The following FNDC3A variants were observed in gnomAD, a reference collection of about 807,000 sequenced individuals.
The protein encoded by FNDC3A is fibronectin type-III domain-containing protein 3A.
FNDC3A carries 32 observed loss-of-function variants against 148.9 expected under a neutral mutation model. The ratio of observed to expected loss-of-function variants is 0.21; its 90% confidence interval spans 0.16 to 0.29. The LOEUF is 0.29. FNDC3A is among the 10% of genes least tolerant of loss of function. The probability of loss-of-function intolerance (pLI) is 1.00; values close to 1 mark genes in which losing one functional copy is unlikely to be tolerated. For missense variants in FNDC3A, 1,191 were observed against 1,452.8 expected (o/e 0.82, Z 2.93); for synonymous variants, 472 against 473.6 (o/e 1.00, Z 0.04).
chr13:49,055,266 G>T (rs975274225), intron 2 of FNDC3A, among the ~76,000 whole-genome samples: 15 of 152,040 alleles, frequency 9.9e-5, no homozygotes, highest in African/African-American at 3.4e-4. Context: ...ACTACACCCA[G>T]CTAGTCTTAT....
intron 17 of FNDC3A, among the ~76,000 whole-genome samples, 200 bp from the exon 18 acceptor site, chr13:49,190,815 T>C (rs1012918622): frequency 3.9e-5 from 6 of 152,224 alleles, no homozygotes; most frequent in African/African-American, 1.4e-4. Context: ...CATGTCTTTC[T>C]TTGTCTATGA....
rs1223909842 is a variant in FNDC3A at position 49,207,656 on chromosome 13, GC to G, written c.*263del. The stretch of plus-strand genomic sequence containing the variant: ...TTCCCTCTCTCTTTTTTTAACAAAT[GC>G]CTTCTTATAGAAAAACTTTCTAAGA... On this transcript the variant is annotated 3_prime_UTR_variant, in exon 26 of 26. Transcript: ENST00000492622. 1 of 325,096 alleles carries G rather than the reference GC, an allele frequency of 3.1e-6. No individual in the cohort carries two copies. Among genetic ancestry groups the G allele is most frequent in the African/African-American group, 2.2e-5 (1 of 46,148 alleles). The allele number at this position is 325,096 out of a possible 1,614,324, so 20.1% of individuals were successfully genotyped here. A position where few individuals can be genotyped will look rare whatever the true frequency, so the allele number is the denominator to read the frequency against.
chr13:49,111,016 TAGA>T (rs1880533035), intron 3 of FNDC3A, among the ~76,000 whole-genome samples: 1 of 152,116 alleles, frequency 6.6e-6, no homozygotes, highest in Non-Finnish European at 1.5e-5. Flanking sequence ...TCAAATCACA[TAGA>T]TTATAAAGGA....
rs745482253 is a variant in FNDC3A at position 49,198,412 on chromosome 13, T to C, written c.2825T>C (p.Met942Thr). The C allele has an allele frequency of 1.4e-5, 22 of 1,614,086 alleles. No individual in the cohort carries two copies. Among genetic ancestry groups the C allele is most frequent in the South Asian group, 3.3e-5 (3 of 91,082 alleles). The change falls in exon 23 of 26, where the codon ATG becomes ACG. Residue 942 changes from methionine to threonine, a missense_variant. Met to Thr is a moderately conservative substitution (Grantham distance 81). Around this residue, in one of 3 missense-constraint regions of FNDC3A, gnomAD observed 751 missense variants for 944.0 expected, o/e 0.80. Coordinates refer to ENST00000492622, the MANE Select transcript of FNDC3A (RefSeq NM_001079673.2). The part of the protein sequence containing the change: ...NSLGAGPFSH[M>T]IKLKTKPLPP... ...CTTGGAGCTGGTCCTTTCAGCCATA[T>C]GATAAAATTAAAAACTAAGCCTCTC...
intron 1 of FNDC3A, among the ~76,000 whole-genome samples, chr13:48,987,587 C>T (rs567257963): frequency 6.6e-6 from 1 of 152,180 alleles, no homozygotes; most frequent in South Asian, 2.1e-4. Context: ...ACTTAAGGGA[C>T]ATGAAAGAGT....
At chr13:49,044,853 A>G (rs1305699162) in intron 2 of FNDC3A, 3 of 352,974 alleles carry the variant, frequency 8.5e-6, no homozygotes, top group East Asian at 8.7e-5. Flanking sequence ...GGTTTGTGCA[A>G]GGTTCAAAAA....
Position 49,136,343 on chromosome 13 carries a change from A to G in FNDC3A, c.502A>G (p.Thr168Ala). The change falls in exon 6 of 26, where the codon ACA (threonine) becomes GCA (alanine). Residue 168 changes from threonine to alanine, a missense_variant. Transcript: ENST00000492622. Reference protein sequence around the residue: ...QVYGDVDAHSTHGRSNFRDER... With the variant: ...QVYGDVDAHSAHGRSNFRDER... ...TTATTGCCTCCTAGATGCTCACTCTACACATGGAAGGTCCAACTTTAGAGA... is the reference window on the plus strand; with the variant it reads ...TTATTGCCTCCTAGATGCTCACTCTGCACATGGAAGGTCCAACTTTAGAGA... 2 of 1,614,032 alleles carry G rather than the reference A, an allele frequency of 1.2e-6. No individual in the cohort carries two copies. Among genetic ancestry groups the G allele is most frequent in the Non-Finnish European group, 1.7e-6 (2 of 1,179,922 alleles).
intron 2 of FNDC3A, among the ~76,000 whole-genome samples, chr13:49,051,736 A>C (rs961116089): frequency 1.3e-5 from 2 of 152,230 alleles, no homozygotes; most frequent in African/African-American, 4.8e-5. Flanking sequence ...AGGCTGGAGA[A>C]GTTTTCCTTG....
At chr13:49,110,200 G>A in intron 3 of FNDC3A, 3 of 468,200 alleles carry the variant, frequency 6.4e-6, no homozygotes, top group South Asian at 5.3e-5. Flanking sequence ...AAGCGGGAAC[G>A]TTTGCTTTTT....
intron 7 of FNDC3A, among the ~76,000 whole-genome samples, chr13:49,142,326 C>G (rs952363948): frequency 1.2e-4 from 18 of 152,156 alleles, no homozygotes; most frequent in African/African-American, 4.3e-4. Flanking sequence ...TCTTTCGTTT[C>G]TGTTTCCTTT....
chr13:49,011,260 G>T (rs1440365191), intron 2 of FNDC3A, among the ~76,000 whole-genome samples: 3 of 151,008 alleles, frequency 2.0e-5, no homozygotes, highest in African/African-American at 7.3e-5. Flanking sequence ...TTGAGACAGG[G>T]TCTCGCTCTG....
intron 3 of FNDC3A, 142 bp from the exon 4 acceptor site, chr13:49,114,513 C>T: frequency 2.6e-6 from 1 of 385,096 alleles, no homozygotes; most frequent in South Asian, 3.0e-5. Flanking sequence ...ACAAGTCAAT[C>T]ATCTGAATTT....
intron 2 of FNDC3A, among the ~76,000 whole-genome samples, chr13:49,070,805 T>C (rs1877611061): frequency 6.6e-6 from 1 of 152,116 alleles, no homozygotes; most frequent in Non-Finnish European, 1.5e-5. Context: ...GCAATATTTA[T>C]GTTTCTATGC....
At position 49,198,060 on chromosome 13, in the gene FNDC3A, A is replaced by T. The variant is rs778628583; in HGVS notation, c.2569A>T (p.Thr857Ser). The change falls in exon 22 of 26, where the codon ACC becomes TCC. Residue 857 changes from threonine (T) to serine (S), a missense_variant. Physicochemically the swap from Thr to Ser is moderately conservative, Grantham distance 58. This residue lies in a region of FNDC3A where 751 missense variants were observed against 944.0 expected (regional missense o/e 0.80). Transcript: ENST00000492622. ...VTPPSVPGIVTCLQEISDDEI... is the reference protein window; with the variant it reads ...VTPPSVPGIVSCLQEISDDEI... ...TCCACCATCAGTTCCTGGCATTGTG[A>T]CCTGTCTTCAAGAAATAAGCGATGA... 1 of 1,614,076 alleles carries T rather than the reference A, an allele frequency of 6.2e-7. No individual in the cohort carries two copies. The highest frequency in any genetic ancestry group is 8.5e-7 in the Non-Finnish European group (1 of 1,179,990).
chr13:49,186,223 A>G (rs1885561980), intron 15 of FNDC3A, 121 bp downstream of exon 15: 2 of 763,744 alleles, frequency 2.6e-6, no homozygotes, highest in Non-Finnish European at 4.2e-6. Context: ...CCAAAAAGAA[A>G]TGTGAGAGTC....
chr13:49,105,939 T>A (rs1339794633), intron 3 of FNDC3A, among the ~76,000 whole-genome samples: 1 of 152,238 alleles, frequency 6.6e-6, no homozygotes. Context: ...GGCTCTTATT[T>A]TACTCAAAGT....
At chr13:49,187,691 G>T (rs767970261) in intron 16 of FNDC3A, 61 of 1,520,828 alleles carry the variant, frequency 4.0e-5, no homozygotes, top group Non-Finnish European at 5.6e-5. Context: ...GAAGCTCTGC[G>T]AAAGGCACAG....
chr13:49,071,012 C>A (rs183605324), intron 2 of FNDC3A, among the ~76,000 whole-genome samples: 92 of 149,842 alleles, frequency 6.1e-4, no homozygotes, highest in African/African-American at 1.9e-3. Flanking sequence ...AATCCTCCTG[C>A]CTCAGCCGCC....
chr13:49,024,577 AC>A (rs1669901248), intron 2 of FNDC3A, among the ~76,000 whole-genome samples: 1 of 152,024 alleles, frequency 6.6e-6, no homozygotes, highest in South Asian at 2.1e-4. Flanking sequence ...TGTTCAACAT[AC>A]GTAAATCAGT....
Sources: allele counts gnomAD v4.1 joint callset (sites outside exome capture counted in the v4.1 genomes callset), GRCh38; gene constraint gnomAD v4.1.1; regional missense constraint gnomAD v4.1.1; transcripts MANE v1.5; gene names NCBI Gene and HGNC (gene_info 2026-07-23, HGNC 2026-07-21).